RALGAPA1: variants seen among roughly 807,000 people sequenced by gnomAD.
RALGAPA1 encodes the protein ral GTPase-activating protein subunit alpha-1.
Under a neutral mutation model 269.6 loss-of-function variants are expected in RALGAPA1, and 52 were observed. The observed-to-expected ratio is 0.19, with a 90% CI of 0.15 to 0.24. RALGAPA1 has a LOEUF of 0.24. Ranked by LOEUF, RALGAPA1 falls within the 10% of genes least tolerant of loss-of-function variation. The pLI is 1.00. For synonymous variants in RALGAPA1, 817 were observed against 1,008.3 expected (o/e 0.81, Z 3.60); for missense variants, 1,917 against 3,013.9 (o/e 0.64, Z 8.52).
chr14:35,671,175 C>G (rs994765227), intron 26 of RALGAPA1, among the ~76,000 whole-genome samples: 2 of 152,072 alleles, frequency 1.3e-5, no homozygotes, highest in East Asian at 3.8e-4. Flanking sequence ...TAGATTTCCT[C>G]AACTTTAAAT....
intron 1 of RALGAPA1, among the ~76,000 whole-genome samples, chr14:35,784,298 C>T (rs1046154849): frequency 7.2e-5 from 11 of 151,794 alleles, no homozygotes; most frequent in Non-Finnish European, 1.5e-4. Flanking sequence ...GTAAAAAGCA[C>T]GAAATAGTAT....
intron 36 of RALGAPA1, among the ~76,000 whole-genome samples, chr14:35,598,030 A>G (rs2059028821): frequency 6.6e-6 from 1 of 152,192 alleles, no homozygotes; most frequent in South Asian, 2.1e-4. Context: ...TATGTAGATT[A>G]GATCTTGTTG....
chr14:35,685,005 C>T lies in RALGAPA1; in HGVS notation c.4218G>A (p.Gly1406=), dbSNP rs982837200. ...TATCTGAGCTGATAAGATCACTGCT[C>T]CCTGCACTGGCAGGAGAAGTCCATT... is the stretch of plus-strand genomic sequence containing the variant. ...PSEWTSPASA[G]SSDLISSDSH... is the part of the protein sequence containing the mutation. The change falls in exon 20 of 42, where the codon GGG becomes GGA. Residue 1406 remains glycine (G), a synonymous_variant. Transcript: ENST00000680220. 6.2e-7 allele frequency: 1 copy of T among 1,612,934 alleles called. No homozygotes were observed.
chr14:35,767,500 A>C (rs766521692), intron 4 of RALGAPA1, among the ~76,000 whole-genome samples: 3 of 152,146 alleles, frequency 2.0e-5, no homozygotes, highest in Non-Finnish European at 2.9e-5. Flanking sequence ...ATCCTGGCCA[A>C]CATGGTGAAA....
chr14:35,798,649 G>GA (rs1372219292), intron 1 of RALGAPA1, among the ~76,000 whole-genome samples: 1 of 151,972 alleles, frequency 6.6e-6, no homozygotes, highest in African/African-American at 2.4e-5. Flanking sequence ...CATCATCACA[G>GA]AAAAAAATGT....
In RALGAPA1 at chr14:35,765,809, T is replaced by C. The variant is rs959611395; in HGVS notation, c.326-3056A>G. ...CTACAGCCAGCCAAAAATTACTGTC[T>C]TACATGTGCATCAAATATGCTGAAA... On this transcript the variant is annotated intron_variant, in intron 4 of 41. Coordinates refer to ENST00000680220, the MANE Select transcript of RALGAPA1 (RefSeq NM_001346249.2). 3 of 549,792 alleles carry C rather than the reference T, an allele frequency of 5.5e-6. No homozygotes were observed. The African/African-American group carries it at 5.7e-5, about 11-fold the overall frequency. 34.1% of individuals were successfully genotyped at this position (549,792 alleles called of 1,614,324 possible).
intron 39 of RALGAPA1, among the ~76,000 whole-genome samples, chr14:35,567,881 C>T (rs1383972082): frequency 6.6e-6 from 1 of 152,128 alleles, no homozygotes; most frequent in Non-Finnish European, 1.5e-5. Context: ...CAAGAAAGTA[C>T]AAACTCTTCC....
chr14:35,705,105 AT>A (rs2067688258), intron 16 of RALGAPA1, among the ~76,000 whole-genome samples: 2 of 152,086 alleles, frequency 1.3e-5, no homozygotes, highest in African/African-American at 4.8e-5. Context: ...AGTTTCCCCA[AT>A]TATTAACATC....
chr14:35,540,174 T>C (rs1211136958), intron 41 of RALGAPA1, among the ~76,000 whole-genome samples: 1 of 152,028 alleles, frequency 6.6e-6, no homozygotes, highest in Non-Finnish European at 1.5e-5. Flanking sequence ...GATGCCCTTA[T>C]AAACAAAACA....
intron 41 of RALGAPA1, among the ~76,000 whole-genome samples, chr14:35,547,826 T>C (rs1400003117): frequency 6.6e-6 from 1 of 152,074 alleles, no homozygotes. Context: ...CTAAATTTTT[T>C]GTAAAATTAT....
chr14:35,805,872 T>A lies in RALGAPA1; in HGVS notation c.106+2858A>T, dbSNP rs1042413925. On this transcript the variant is annotated intron_variant, in intron 1 of 41. Transcript: ENST00000680220. ...GCTAATTTTTGTATTTTCAGTAGAG[T>A]AGAGACCCGGTTTCACTCTGTTGGC... 2.6e-5 allele frequency among the ~76,000 whole-genome samples: 4 copies of A among 151,564 alleles called. No homozygotes were observed. In the East Asian group the frequency reaches 7.8e-4, roughly 29 times the overall value.
chr14:35,714,093 TAAAAA>T (rs1269103441), intron 16 of RALGAPA1, among the ~76,000 whole-genome samples: 1 of 130,156 alleles, frequency 7.7e-6, no homozygotes, highest in East Asian at 2.2e-4. Context: ...AGACTCCGTC[TAAAAA>T]AAAAAAAAAA....
intron 21 of RALGAPA1, among the ~76,000 whole-genome samples, chr14:35,681,315 A>G (rs1387713566): frequency 1.3e-5 from 2 of 152,226 alleles, no homozygotes; most frequent in Non-Finnish European, 2.9e-5. Context: ...TGCTGTTACT[A>G]ATGGTACTGA....
At position 35,616,575 on chromosome 14, in the gene RALGAPA1, T is replaced by G. The variant is rs370909918; in HGVS notation, c.6929+8786A>C. 1.6e-4 allele frequency among the ~76,000 whole-genome samples: 24 copies of G among 152,306 alleles called. No homozygotes were observed. In the East Asian group the frequency reaches 4.0e-3, roughly 26 times the overall value. On this transcript the variant is annotated intron_variant, in intron 35 of 41. Transcript: ENST00000680220. ...GAAAGAATGAGCCCTAATGTAAACTTTGGACTTCAGACACTAATGTAAGAT... is the reference window on the plus strand; with the variant it reads ...GAAAGAATGAGCCCTAATGTAAACTGTGGACTTCAGACACTAATGTAAGAT...
At chr14:35,612,297 G>A (rs558676797) in intron 35 of RALGAPA1, among the ~76,000 whole-genome samples, 3 of 151,062 alleles carry the variant, frequency 2.0e-5, no homozygotes, top group Non-Finnish European at 4.4e-5. Context: ...CTTGAGCCCA[G>A]GAAGTTGAGG....
intron 28 of RALGAPA1, among the ~76,000 whole-genome samples, chr14:35,656,996 C>T (rs942133394): frequency 2.0e-5 from 3 of 152,118 alleles, no homozygotes; most frequent in Admixed American, 6.5e-5. Context: ...AGACTTAGAA[C>T]ACAAATGCTG....
chr14:35,565,326 A>G (rs2056603708), intron 39 of RALGAPA1, among the ~76,000 whole-genome samples: 1 of 149,686 alleles, frequency 6.7e-6, no homozygotes, highest in African/African-American at 2.4e-5. Context: ...ATATTTTATA[A>G]TATTAATATA....
chr14:35,742,441 G>A lies in RALGAPA1; in HGVS notation c.1376C>T (p.Ser459Phe). Reference protein sequence around the residue: ...MQEPEEIVITSSDLPCIENVT... With the variant: ...MQEPEEIVITFSDLPCIENVT... ...ATTTTCAATGCAAGGGAGGTCTGAA[G>A]AAGTGATCACAATTTCTTCAGGCTC... is the stretch of plus-strand genomic sequence containing the variant. Residue 459 changes from serine (S) to phenylalanine (F), a missense_variant, in exon 11 of 42, where the codon TCT (serine) becomes TTT (phenylalanine). This residue lies in a region of RALGAPA1 where 462 missense variants were observed against 725.6 expected (regional missense o/e 0.64). Coordinates refer to ENST00000680220, the MANE Select transcript of RALGAPA1 (RefSeq NM_001346249.2). 6.2e-7 allele frequency: 1 copy of A among 1,605,062 alleles called. No individual in the cohort carries two copies. Among genetic ancestry groups the A allele is most frequent in the African/African-American group, 1.3e-5 (1 of 74,728 alleles).
chr14:35,602,765 C>T (rs2059368553), intron 36 of RALGAPA1, among the ~76,000 whole-genome samples: 1 of 152,108 alleles, frequency 6.6e-6, no homozygotes, highest in African/African-American at 2.4e-5. Context: ...GTACAATTAT[C>T]TGGTTTTGTC....
Sources: allele counts gnomAD v4.1 joint callset (sites outside exome capture counted in the v4.1 genomes callset), GRCh38; gene constraint gnomAD v4.1.1; regional missense constraint gnomAD v4.1.1; transcripts MANE v1.5; gene names NCBI Gene and HGNC (gene_info 2026-07-23, HGNC 2026-07-21).